OPCML: variants seen among roughly 807,000 people sequenced by gnomAD.
The protein encoded by OPCML is opioid binding protein/cell adhesion molecule like, also known as opioid-binding protein/cell adhesion molecule.
OPCML carries 13 observed loss-of-function variants against 37.8 expected under a neutral mutation model. The ratio of observed to expected loss-of-function variants is 0.34; its 90% CI spans 0.22 to 0.55. OPCML has a LOEUF of 0.55. Ranked by LOEUF, OPCML falls within the 20% of genes least tolerant of loss-of-function variation. The pLI, the probability that OPCML is intolerant of heterozygous loss-of-function variation, is 0.91. For missense variants in OPCML, 341 were observed against 435.6 expected, an observed-to-expected ratio of 0.78 and a Z score of 1.93; for synonymous variants, 176 against 168.8, an observed-to-expected ratio of 1.04 and a Z score of -0.33.
chr11:132,511,142 A>G (rs1359154985), intron 4 of OPCML, among the ~76,000 whole-genome samples: 2 of 152,170 alleles, frequency 1.3e-5, no homozygotes, highest in African/African-American at 4.8e-5. Context: ...GTCAATATAA[A>G]AAAGTCAATT....
intron 1 of OPCML, among the ~76,000 whole-genome samples, chr11:133,061,670 A>G (rs1352955287): frequency 6.6e-6 from 1 of 152,156 alleles, no homozygotes; most frequent in African/African-American, 2.4e-5. Flanking sequence ...TGATTTTGAA[A>G]ACATTATTCT....
intron 1 of OPCML, among the ~76,000 whole-genome samples, chr11:133,460,079 A>T (rs1216948290): frequency 6.6e-6 from 1 of 152,020 alleles, no homozygotes; most frequent in East Asian, 1.9e-4. Flanking sequence ...ACTGGAAAAC[A>T]CACAAATATA....
chr11:133,245,044 A>G (rs774629260), intron 1 of OPCML, among the ~76,000 whole-genome samples: 6 of 152,182 alleles, frequency 3.9e-5, no homozygotes, highest in Admixed American at 6.5e-5. Flanking sequence ...CCAAATGCCC[A>G]TCTTCCTCAT....
chr11:132,524,509 A>G (rs1231492548), intron 4 of OPCML, among the ~76,000 whole-genome samples: 1 of 152,210 alleles, frequency 6.6e-6, no homozygotes, highest in East Asian at 1.9e-4. Context: ...AATTAAGTAT[A>G]GATTTTTGTA....
chr11:133,109,196 C>T lies in OPCML; in HGVS notation c.62-166186G>A, dbSNP rs114491945. 1.9e-3 allele frequency among the ~76,000 whole-genome samples: 292 copies of T among 152,286 alleles called. 1 individual carries two copies. Among genetic ancestry groups the T allele is most frequent in the African/African-American group, 7.0e-3 (289 of 41,550 alleles). ...TCCGGTGGGTTCGTGGTCTTCCTGA[C>T]TTCAACAATGAAGCCACGGAACTTT... On this transcript the variant is annotated intron_variant, in intron 1 of 7. Transcript: ENST00000524381.
At chr11:133,289,187 T>C (rs989528220) in intron 1 of OPCML, among the ~76,000 whole-genome samples, 11 of 152,234 alleles carry the variant, frequency 7.2e-5, no homozygotes, top group African/African-American at 2.7e-4. Context: ...TTTGTTAATT[T>C]GTTTTGGATA....
At chr11:132,736,734 C>A (rs574542735) in intron 2 of OPCML, among the ~76,000 whole-genome samples, 2 of 152,116 alleles carry the variant, frequency 1.3e-5, no homozygotes. Flanking sequence ...GCCAAATTAC[C>A]AAGGCACTAG....
At chr11:132,646,348 GA>G (rs200162996) in intron 3 of OPCML, among the ~76,000 whole-genome samples, 1 of 152,176 alleles carries the variant, frequency 6.6e-6, no homozygotes, top group East Asian at 1.9e-4. Flanking sequence ...AGTAAGAATA[GA>G]AAAGACGGTT....
chr11:132,785,689 G>T (rs1947185813), intron 2 of OPCML, among the ~76,000 whole-genome samples: 1 of 152,172 alleles, frequency 6.6e-6, no homozygotes, highest in East Asian at 1.9e-4. Context: ...AGAATCACAG[G>T]GTGGCTTTGT....
chr11:133,029,608 T>A (rs1000841451), intron 1 of OPCML, among the ~76,000 whole-genome samples: 1 of 152,102 alleles, frequency 6.6e-6, no homozygotes, highest in Non-Finnish European at 1.5e-5. Flanking sequence ...CCTGAGCAAA[T>A]TAATGCAGGA....
chr11:132,880,822 C>T (rs180925176), intron 2 of OPCML, among the ~76,000 whole-genome samples: 430 of 152,254 alleles, frequency 2.8e-3, no homozygotes, highest in Non-Finnish European at 5.0e-3. Context: ...TTGACTGAGT[C>T]CAGATAGTAA....
chr11:133,015,268 G>T (rs1174990145), intron 1 of OPCML, among the ~76,000 whole-genome samples: 1 of 151,212 alleles, frequency 6.6e-6, no homozygotes, highest in Non-Finnish European at 1.5e-5. Context: ...CAGTGTTTTG[G>T]CTTCTGTGTT....
chr11:133,174,639 G>GGAAA lies in OPCML; in HGVS notation c.62-231630_62-231629insTTTC, dbSNP rs552061062. ...AAATGCTCATGGAATGCTGTTTAGT[G>GGAAA]AAAAAAAAAAAAAAAAAAAGCAGGG... On this transcript the variant is annotated intron_variant, in intron 1 of 7. Coordinates refer to ENST00000524381, the MANE Select transcript of OPCML (RefSeq NM_001012393.5). This position sits in a 1 kb window ranked among gnomAD's most constrained non-coding sequence, Gnocchi z 4.6. 1.1e-4 allele frequency among the ~76,000 whole-genome samples: 13 copies of GGAAA among 116,800 alleles called. 1 individual carries two copies. Among genetic ancestry groups the GGAAA allele is most frequent in the African/African-American group, 1.7e-4 (6 of 34,622 alleles). 76.6% of individuals were successfully genotyped at this position (116,800 alleles called of 152,430 possible). A position where few individuals can be genotyped will look rare whatever the true frequency, so the allele number is the denominator to read the frequency against.
chr11:132,511,019 T>C (rs2096267692), intron 4 of OPCML, among the ~76,000 whole-genome samples: 1 of 152,150 alleles, frequency 6.6e-6, no homozygotes, highest in Non-Finnish European at 1.5e-5. Context: ...CTGACTGGTA[T>C]GAAAGAGTAA....
chr11:133,465,649 A>G (rs569772548), intron 1 of OPCML, among the ~76,000 whole-genome samples: 1 of 152,260 alleles, frequency 6.6e-6, no homozygotes. Context: ...AAGAAGGGGT[A>G]TATTTGGTAG....
chr11:132,763,616 G>A (rs1322817988), intron 2 of OPCML, among the ~76,000 whole-genome samples: 3 of 152,200 alleles, frequency 2.0e-5, no homozygotes, highest in African/African-American at 4.8e-5. Flanking sequence ...GATGTAATGA[G>A]TTGTAAACAT....
intron 3 of OPCML, among the ~76,000 whole-genome samples, chr11:132,641,477 C>A (rs192170677): frequency 7.0e-4 from 106 of 152,276 alleles, no homozygotes; most frequent in African/African-American, 2.5e-3. Flanking sequence ...TGGACACCTG[C>A]TGATTGCCCC....
At position 132,935,873 on chromosome 11, in the gene OPCML, A is replaced by G. The variant is rs150278560; in HGVS notation, c.146+7053T>C. On this transcript the variant is annotated intron_variant, in intron 2 of 7. Coordinates refer to ENST00000524381, the MANE Select transcript of OPCML (RefSeq NM_001012393.5). ...AGGTCTCATTGTTGGGTTCTTACCA[A>G]GAAGTGACCGGCTCACGTTGTCTTA... Among the ~76,000 whole-genome samples the G allele has an allele frequency of 3.5e-3, 534 of 152,338 alleles. 1 individual carries two copies. Among genetic ancestry groups the G allele is most frequent in the Middle Eastern group, 6.8e-3 (2 of 294 alleles).
chr11:133,317,379 A>G (rs1170073019), intron 1 of OPCML, among the ~76,000 whole-genome samples: 1 of 152,200 alleles, frequency 6.6e-6, no homozygotes, highest in Non-Finnish European at 1.5e-5. Flanking sequence ...CAGAATAAAT[A>G]AAATCCAGGG....
Sources: gnomAD v4.1 joint callset for allele counts (sites outside exome capture counted in the v4.1 genomes callset) on GRCh38, gnomAD v4.1.1 for gene constraint, Gnocchi (gnomAD v3.1) non-coding constraint, MANE v1.5 for transcripts, NCBI Gene and HGNC (gene_info 2026-07-23, HGNC 2026-07-21) for gene names.